AR: variants seen among roughly 807,000 people sequenced by gnomAD.
AR encodes dihydrotestosterone receptor.
In AR, 8 loss-of-function variants were observed where a neutral mutation model predicts 53.9. That is an observed-to-expected ratio of 0.15 (90% CI 0.09 to 0.27). AR has a LOEUF of 0.27. AR is among the 10% of genes least tolerant of loss of function. The pLI is 1.00. For missense variants in AR, 639 were observed against 742.5 expected (o/e 0.86, Z 1.62); for synonymous variants, 359 against 316.4 (o/e 1.13, Z -1.43).
chrX:67,711,027 C>A lies in AR; in HGVS notation c.1886-375C>A, dbSNP rs2076091675. On this transcript the variant is annotated intron_variant, in intron 3 of 7. Transcript: ENST00000374690. Reference sequence around the variant, plus strand: ...CTGTCACCCAGAAGCAAAGGTCTAACAATGGATATCTGCTGAATGAATGAA... The same window carrying A: ...CTGTCACCCAGAAGCAAAGGTCTAAAAATGGATATCTGCTGAATGAATGAA... 1.8e-5 allele frequency among the ~76,000 whole-genome samples: 2 copies of A among 112,094 alleles called. 1 individual carries two copies. Among genetic ancestry groups the A allele is most frequent in the South Asian group, 7.4e-4 (2 of 2,696 alleles).
At chrX:67,609,100 G>T (rs1026720838) in intron 1 of AR, among the ~76,000 whole-genome samples, 1 of 110,955 alleles carries the variant, frequency 9.0e-6, no homozygotes, top group Non-Finnish European at 1.9e-5. Context: ...GGAAAGCATT[G>T]CCCTGGAGTA....
chrX:67,641,022 C>T (rs1925735889), intron 1 of AR, among the ~76,000 whole-genome samples: 1 of 111,331 alleles, frequency 9.0e-6, no homozygotes, highest in Non-Finnish European at 1.9e-5. Context: ...CACTATATCC[C>T]CAGCACCTAA....
At chrX:67,664,978 T>C (rs183272105) in intron 2 of AR, among the ~76,000 whole-genome samples, 2 of 112,865 alleles carry the variant, frequency 1.8e-5, no homozygotes, top group East Asian at 5.6e-4. Context: ...TGCAGTATTA[T>C]GGTGGGAGTG....
chrX:67,646,062 G>A (rs1926042189), intron 2 of AR, among the ~76,000 whole-genome samples: 1 of 111,850 alleles, frequency 8.9e-6, no homozygotes, highest in Admixed American at 9.5e-5. Context: ...CAGTTAACTC[G>A]GACTGAGTAT....
intron 2 of AR, among the ~76,000 whole-genome samples, chrX:67,681,333 C>G (rs763468874): frequency 8.1e-5 from 9 of 111,746 alleles, no homozygotes; most frequent in Non-Finnish European, 1.7e-4. Flanking sequence ...AGCAGGATTA[C>G]ATCCCATTTA....
intron 3 of AR, chrX:67,695,413 C>T: frequency 2.7e-6 from 2 of 753,916 alleles, no homozygotes; most frequent in Non-Finnish European, 3.1e-6. Context: ...TGAGAGACTA[C>T]AGTCCGACTT....
chrX:67,655,743 G>A (rs1456105986), intron 2 of AR, among the ~76,000 whole-genome samples: 1 of 111,404 alleles, frequency 9.0e-6, no homozygotes, highest in Non-Finnish European at 1.9e-5. Context: ...ACCACCCCCA[G>A]AGGATTCATA....
At chrX:67,638,503 A>G in intron 1 of AR, among the ~76,000 whole-genome samples, 1 of 111,571 alleles carries the variant, frequency 9.0e-6, no homozygotes. Flanking sequence ...CTGACTTTTT[A>G]ATGATCACGA....
chrX:67,697,456 CT>C lies in AR; in HGVS notation c.1885+11331del, dbSNP rs762103501. Among the ~76,000 whole-genome samples, 64 of 111,495 alleles carry C rather than the reference CT, an allele frequency of 5.7e-4. 1 individual carries two copies. The East Asian group carries it at 0.017, about 29-fold the overall frequency. ...CTCACAACAACCTTGTGAGGTAGATCTGTTATTATCTTAAGATTCTGAAACC... is the reference window on the plus strand; with the variant it reads ...CTCACAACAACCTTGTGAGGTAGATCGTTATTATCTTAAGATTCTGAAACC... On this transcript the variant is annotated intron_variant, in intron 3 of 7. Coordinates refer to ENST00000374690, the MANE Select transcript of AR (RefSeq NM_000044.6).
intron 3 of AR, chrX:67,695,303 A>G: frequency 1.3e-6 from 1 of 754,296 alleles, no homozygotes; most frequent in Non-Finnish European, 1.6e-6. Flanking sequence ...CCTGTCACTG[A>G]GCTGAAGGTA....
intron 1 of AR, among the ~76,000 whole-genome samples, chrX:67,576,187 C>T (rs1228923717): frequency 1.8e-5 from 2 of 110,717 alleles, no homozygotes; most frequent in African/African-American, 6.6e-5. Context: ...TGACTGCAGA[C>T]CAGGAAGTCC....
chrX:67,690,495 G>A (rs191997353), intron 3 of AR, among the ~76,000 whole-genome samples: 2 of 111,792 alleles, frequency 1.8e-5, no homozygotes, highest in East Asian at 2.8e-4. Context: ...GAGTGATTTC[G>A]CTGCTGAATT....
intron 1 of AR, among the ~76,000 whole-genome samples, chrX:67,582,107 T>G (rs1922324160): frequency 8.9e-6 from 1 of 112,389 alleles, no homozygotes; most frequent in South Asian, 3.7e-4. Flanking sequence ...TCCTGACAGC[T>G]TTTTAGTATC....
At chrX:67,648,488 T>C (rs1258065465) in intron 2 of AR, among the ~76,000 whole-genome samples, 1 of 111,715 alleles carries the variant, frequency 9.0e-6, no homozygotes, top group Non-Finnish European at 1.9e-5. Context: ...AGCAGAGTTG[T>C]GGATCTGCCA....
chrX:67,712,514 A>T (rs997342785), intron 4 of AR, among the ~76,000 whole-genome samples: 2 of 112,492 alleles, frequency 1.8e-5, no homozygotes, highest in African/African-American at 6.5e-5. Context: ...GAGATCCTCT[A>T]TCCAATGATT....
intron 1 of AR, among the ~76,000 whole-genome samples, chrX:67,640,887 C>T (rs1925725585): frequency 2.7e-5 from 3 of 111,664 alleles, no homozygotes; most frequent in East Asian, 5.6e-4. Flanking sequence ...AGTGCATCCT[C>T]ATCTTTAGCA....
intron 1 of AR, among the ~76,000 whole-genome samples, chrX:67,627,749 C>G (rs761200520): frequency 1.4e-4 from 16 of 111,655 alleles, no homozygotes; most frequent in Middle Eastern, 9.3e-3. Context: ...AGGTTTTCTT[C>G]TAGGGTTTTT....
rs767952096 is a variant in AR at position 67,725,551 on chromosome X, A to G, written c.*1710A>G. 197 of 174,321 alleles carry G rather than the reference A, an allele frequency of 1.1e-3. No homozygotes were observed. The highest frequency in any genetic ancestry group is 1.8e-3 in the Middle Eastern group (1 of 556). The allele number at this position is 174,321 out of a possible 1,213,427, so 14.4% of individuals were successfully genotyped here. A position where few individuals can be genotyped will look rare whatever the true frequency, so the allele number is the denominator to read the frequency against. Reference sequence around the variant, plus strand: ...AGCATATCCACCTGCAGAAGTCATGAGAAGAGAGAAGGAACAAAGAGGAGA... The same window carrying G: ...AGCATATCCACCTGCAGAAGTCATGGGAAGAGAGAAGGAACAAAGAGGAGA... On this transcript the variant is annotated 3_prime_UTR_variant, in exon 8 of 8. Transcript: ENST00000374690.
intron 4 of AR, among the ~76,000 whole-genome samples, chrX:67,715,343 C>A (rs922402009): frequency 1.8e-5 from 2 of 111,188 alleles, no homozygotes; most frequent in Admixed American, 9.6e-5. Flanking sequence ...AGGCTCCAGC[C>A]GGTCTGTCAG....
Sources: gnomAD v4.1 joint callset for allele counts (sites outside exome capture counted in the v4.1 genomes callset) on GRCh38, gnomAD v4.1.1 for gene constraint, MANE v1.5 for transcripts, NCBI Gene and HGNC (gene_info 2026-07-23, HGNC 2026-07-21) for gene names.